The following MAN2B1 variants were observed in gnomAD, a reference collection of about 807,000 sequenced individuals.
MAN2B1 encodes mannosidase alpha class 2B member 1.
A neutral mutation model predicts 127.5 loss-of-function variants in MAN2B1; 99 were observed. The observed-to-expected ratio is 0.78, with a 90% CI of 0.66 to 0.92. The LOEUF is 0.92. MAN2B1 is among the 40% of genes least tolerant of loss of function. The probability of loss-of-function intolerance (pLI) is 0.00; values close to 1 mark genes in which losing one functional copy is unlikely to be tolerated. For missense variants in MAN2B1, 1,304 were observed against 1,384.8 expected (o/e 0.94, Z 0.93); for synonymous variants, 573 against 568.8 (o/e 1.01, Z -0.11).
In MAN2B1 at chr19:12,655,728, C is replaced by A. The variant is rs181476648; in HGVS notation, c.1796G>T (p.Arg599Ile). Residue 599 changes from arginine to isoleucine, a missense_variant, in exon 14 of 24, where the codon AGA becomes ATA. Physicochemically the swap from Arg to Ile is moderately conservative, Grantham distance 97. Coordinates refer to ENST00000456935, the MANE Select transcript of MAN2B1 (RefSeq NM_000528.4). ...QARAPQPIPR[R>I]SWSPALTIEN... ...GATGGTTAAAGCAGGGGACCAGGAT[C>A]TTCTGGGGATGGGCTGTGGTGCGCG... is the stretch of plus-strand genomic sequence containing the variant. 102 of 1,609,220 alleles carry A rather than the reference C, an allele frequency of 6.3e-5. 1 individual carries two copies. In the East Asian group the frequency reaches 2.0e-3, roughly 31 times the overall value.
intron 7 of MAN2B1, among the ~76,000 whole-genome samples, chr19:12,660,601 T>TG (rs2024078906): frequency 1.3e-5 from 2 of 152,206 alleles, no homozygotes. Context: ...GCTATGTGGC[T>TG]GGCTTTGAAG....
chr19:12,659,729 G>A (rs1206181241), intron 7 of MAN2B1, among the ~76,000 whole-genome samples: 2 of 152,110 alleles, frequency 1.3e-5, no homozygotes, highest in Non-Finnish European at 2.9e-5. Flanking sequence ...TGAGGCAGGA[G>A]AATCACTAGA....
chr19:12,660,324 T>C (rs191262895), intron 7 of MAN2B1, among the ~76,000 whole-genome samples: 214 of 152,112 alleles, frequency 1.4e-3, no homozygotes, highest in African/African-American at 5.0e-3. Flanking sequence ...GCCAACATGG[T>C]GAAACCCTGT....
chr19:12,657,456 C>T lies in MAN2B1; in HGVS notation c.1409G>A (p.Gly470Glu), dbSNP rs909886426. 1.9e-6 allele frequency: 3 copies of T among 1,554,060 alleles called. No individual in the cohort carries two copies. The African/African-American group carries it at 4.1e-5, about 21-fold the overall frequency. Residue 470 changes from glycine to glutamate, a missense_variant, in exon 11 of 24, where the codon GGG (glycine) becomes GAG (glutamate). By Grantham distance (98) the Gly-to-Glu change is moderately conservative. Coordinates refer to ENST00000456935, the MANE Select transcript of MAN2B1 (RefSeq NM_000528.4). ...DYARQLAAGW[G>E]PCEVLLSNAL... Reference sequence around the variant, plus strand: ...TCTCGCCCCGCGCACCTCGCAAGGCCCCCAGCCTGCCGCAAGCTGGCGCGC... The same window carrying T: ...TCTCGCCCCGCGCACCTCGCAAGGCTCCCAGCCTGCCGCAAGCTGGCGCGC...
chr19:12,665,614 G>A (rs973567797), intron 2 of MAN2B1, 89 bp from the exon 3 acceptor site: 18 of 1,588,866 alleles, frequency 1.1e-5, no homozygotes, highest in Non-Finnish European at 1.6e-5. Flanking sequence ...GGATATTAGG[G>A]TAGCACTGGC....
At chr19:12,663,240 T>G (rs1040185580) in intron 6 of MAN2B1, 77 bp downstream of exon 6, 4 of 1,548,522 alleles carry the variant, frequency 2.6e-6, no homozygotes, top group Non-Finnish European at 3.6e-6. Flanking sequence ...GAGAACGTGT[T>G]AGGGGATGCC....
intron 16 of MAN2B1, 135 bp from the exon 17 acceptor site, chr19:12,650,357 CTTTTTTTTT>C: frequency 2.0e-6 from 1 of 493,268 alleles, no homozygotes; most frequent in Admixed American, 3.0e-5. Flanking sequence ...CCACATAATT[CTTTTTTTTT>C]TTTTTTTTTT....
intron 14 of MAN2B1, among the ~76,000 whole-genome samples, chr19:12,655,278 C>T (rs563636249): frequency 6.6e-6 from 1 of 152,326 alleles, no homozygotes; most frequent in East Asian, 1.9e-4. Context: ...CTTGTGGCTC[C>T]TGGAATTCTG....
At chr19:12,655,619 C>T in intron 14 of MAN2B1, 75 bp downstream of exon 14, 2 of 1,477,592 alleles carry the variant, frequency 1.4e-6, no homozygotes, top group Non-Finnish European at 1.8e-6. Context: ...CCTGCTGACC[C>T]AGAGTCCACA....
intron 13 of MAN2B1, 34 bp from the exon 14 acceptor site, chr19:12,655,913 G>A (rs1274367989): frequency 6.3e-7 from 1 of 1,590,422 alleles, no homozygotes; most frequent in South Asian, 1.1e-5. Flanking sequence ...TGAGTCAAGA[G>A]TACCCATGGA....
chr19:12,662,559 G>C (rs2024132960), intron 6 of MAN2B1, among the ~76,000 whole-genome samples: 1 of 152,168 alleles, frequency 6.6e-6, no homozygotes. Context: ...GGACCCAGTA[G>C]GTGGAGGTTG....
At position 12,665,768 on chromosome 19, in the gene MAN2B1, T is replaced by C; in HGVS notation, c.197A>G (p.His66Arg). 1 of 1,614,130 alleles carries C rather than the reference T, an allele frequency of 6.2e-7. No individual in the cohort carries two copies. Among genetic ancestry groups the C allele is most frequent in the South Asian group, 1.1e-5 (1 of 91,086 alleles). Residue 66 changes from histidine (H) to arginine (R), a missense_variant, in exon 2 of 24, where the codon CAC becomes CGC. By Grantham distance (29) the His-to-Arg change is conservative. Coordinates refer to ENST00000456935, the MANE Select transcript of MAN2B1 (RefSeq NM_000528.4). Reference sequence around the variant, plus strand: ...GTCATCATGTGTGTGAGGCAGCAGGTGCACGTTCAGCATGTTCGGCTGCAC... The same window carrying C: ...GTCATCATGTGTGTGAGGCAGCAGGCGCACGTTCAGCATGTTCGGCTGCAC... ...PTVQPNMLNV[H>R]LLPHTHDDVG...
At position 12,657,047 on chromosome 19, in the gene MAN2B1, T is replaced by G; in HGVS notation, c.1429A>C (p.Ser477Arg). The change falls in exon 12 of 24, where the codon AGC becomes CGC. Residue 477 changes from serine to arginine, a missense_variant. Ser to Arg is a moderately radical substitution (Grantham distance 110). Coordinates refer to ENST00000456935, the MANE Select transcript of MAN2B1 (RefSeq NM_000528.4). ...CCTCTGAGCCGCGCCAGCGCGTTGC[T>G]CAGAAGAACCTGCGGAAGAGCGCAA... ...AGWGPCEVLL[S>R]NALARLRGFK... 6.2e-7 allele frequency: 1 copy of G among 1,608,522 alleles called. No homozygotes were observed. The highest frequency in any genetic ancestry group is 8.5e-7 in the Non-Finnish European group (1 of 1,177,534).
rs1022564280 is a variant in MAN2B1 at position 12,657,068 on chromosome 19, C to A, written c.1420-12G>T. The A allele has an allele frequency of 1.2e-5, 19 of 1,543,160 alleles. No homozygotes were observed. Among genetic ancestry groups the A allele is most frequent in the Non-Finnish European group, 1.5e-5 (17 of 1,124,000 alleles). Reference sequence around the variant, plus strand: ...TTGCTCAGAAGAACCTGCGGAAGAGCGCAAAGGGACCGGTGGGTTCAGGAC... The same window carrying A: ...TTGCTCAGAAGAACCTGCGGAAGAGAGCAAAGGGACCGGTGGGTTCAGGAC... On this transcript the variant is annotated splice_polypyrimidine_tract_variant and intron_variant, in intron 11 of 23. Transcript: ENST00000456935.
chr19:12,665,820 C>T lies in MAN2B1; in HGVS notation c.160-15G>A. On this transcript the variant is annotated splice_polypyrimidine_tract_variant and intron_variant, in intron 1 of 23. Coordinates refer to ENST00000456935, the MANE Select transcript of MAN2B1 (RefSeq NM_000528.4). ...GTGGGGCATGTCTGCACAGGGACCCCAAACACACATACCTTGTCAATAACC... is the reference window on the plus strand; with the variant it reads ...GTGGGGCATGTCTGCACAGGGACCCTAAACACACATACCTTGTCAATAACC... 1 of 1,602,374 alleles carries T rather than the reference C, an allele frequency of 6.2e-7. No homozygotes were observed. The highest frequency in any genetic ancestry group is 8.5e-7 in the Non-Finnish European group (1 of 1,170,430).
chr19:12,663,564 C>T, intron 5 of MAN2B1, 102 bp from the exon 6 acceptor site: 1 of 1,563,308 alleles, frequency 6.4e-7, no homozygotes, highest in Non-Finnish European at 8.7e-7. Flanking sequence ...AATTTGTGTC[C>T]CAATGCAAAA....
intron 1 of MAN2B1, among the ~76,000 whole-genome samples, chr19:12,666,089 G>T (rs1044021858): frequency 1.3e-5 from 2 of 152,192 alleles, no homozygotes; most frequent in African/African-American, 2.4e-5. Flanking sequence ...GACGGCCACC[G>T]TGGGAGGTGG....
intron 1 of MAN2B1, 115 bp from the exon 2 acceptor site, chr19:12,665,920 G>A (rs2024224234): frequency 3.8e-6 from 3 of 793,288 alleles, no homozygotes; most frequent in Middle Eastern, 2.9e-4. Context: ...TCGCCTATGT[G>A]CAGAGGAGGC....
Position 12,661,383 on chromosome 19 carries a change from G to A in MAN2B1, c.910-7C>T, listed in dbSNP as rs2145273567. On this transcript the variant is annotated splice_region_variant and splice_polypyrimidine_tract_variant and intron_variant, in intron 6 of 23. Transcript: ENST00000456935. ...TGGTGCGGTAATACCGGCCCTGCAG[G>A]CAAGAGGGGAGTCCTGAAGCCAGAG... 2 of 1,582,126 alleles carry A rather than the reference G, an allele frequency of 1.3e-6. No individual in the cohort carries two copies. Among genetic ancestry groups the A allele is most frequent in the Admixed American group, 1.7e-5 (1 of 59,966 alleles).
Sources: gnomAD v4.1 joint callset for allele counts (sites outside exome capture counted in the v4.1 genomes callset) on GRCh38, gnomAD v4.1.1 for gene constraint, MANE v1.5 for transcripts, NCBI Gene and HGNC (gene_info 2026-07-23, HGNC 2026-07-21) for gene names.